Variants in APOBEC3H observed in about 807,000 individuals in gnomAD.
The protein encoded by APOBEC3H is apolipoprotein B mRNA editing enzyme catalytic subunit 3H, also known as DNA dC->dU-editing enzyme APOBEC-3H.
A neutral mutation model predicts 21.2 loss-of-function variants in APOBEC3H; 8 were observed. The observed-to-expected ratio is 0.38, with a 90% CI of 0.22 to 0.68. The LOEUF is 0.68. Ranked by LOEUF, APOBEC3H falls within the 30% of genes least tolerant of loss-of-function variation. The pLI is 0.52. For missense variants in APOBEC3H, 229 were observed against 228.1 expected (o/e 1.00, Z -0.03); for synonymous variants, 88 against 91.0 (o/e 0.97, Z 0.19).
intron 2 of APOBEC3H, among the ~76,000 whole-genome samples, chr22:39,100,700 TTCTCCCGA>T (rs1827825715): frequency 6.6e-6 from 1 of 152,056 alleles, no homozygotes; most frequent in South Asian, 2.1e-4. Flanking sequence ...CATTTACTCA[TTCTCCCGA>T]TCTCAGCTCA....
At chr22:39,099,788 C>G (rs1200520217) in intron 1 of APOBEC3H, among the ~76,000 whole-genome samples, 2 of 152,102 alleles carry the variant, frequency 1.3e-5, no homozygotes, top group Non-Finnish European at 2.9e-5. Flanking sequence ...TCCTGCCAGC[C>G]CTTCCTTCCC....
chr22:39,103,875 C>A lies in APOBEC3H; in HGVS notation c.*178C>A. Reference sequence around the variant, plus strand: ...GCCAGTTCCTTGCCCCAACCTGGCCCCATCCAAGTACAGAAGACCTTCCTT... The same window carrying A: ...GCCAGTTCCTTGCCCCAACCTGGCCACATCCAAGTACAGAAGACCTTCCTT... On this transcript the variant is annotated 3_prime_UTR_variant, in exon 5 of 5. Transcript: ENST00000442487. 1.3e-6 allele frequency: 1 copy of A among 755,018 alleles called. No homozygotes were observed. Among genetic ancestry groups the A allele is most frequent in the East Asian group, 2.5e-5 (1 of 40,610 alleles). 46.8% of individuals were successfully genotyped at this position (755,018 alleles called of 1,614,324 possible).
At position 39,102,051 on chromosome 22, in the gene APOBEC3H, C is replaced by T. The variant is rs778016471; in HGVS notation, c.543+9C>T. 12 of 1,612,256 alleles carry T rather than the reference C, an allele frequency of 7.4e-6. No homozygotes were observed. The highest frequency in any genetic ancestry group is 1.1e-5 in the South Asian group (1 of 90,970). On this transcript the variant is annotated intron_variant, in intron 4 of 4. Transcript: ENST00000442487. ...GGCTTGAGAGGATAAAGGTGAGGCA[C>T]TGTCCTGCCTGCTGCCCCCGACCTC... is the stretch of plus-strand genomic sequence containing the variant.
rs6519169 is a variant in APOBEC3H at position 39,099,604 on chromosome 22, G to T, written c.-7-668G>T. ...CTCTGAGCCCAGGGGAGCCAGAAAG[G>T]CACACCCACAGTTCTCAGGCAGGGG... On this transcript the variant is annotated intron_variant, in intron 1 of 4. Coordinates refer to ENST00000442487, the MANE Select transcript of APOBEC3H (RefSeq NM_181773.5). 8.6e-3 allele frequency among the ~76,000 whole-genome samples: 1,310 copies of T among 152,302 alleles called. 10 individuals are homozygous for T. The highest frequency in any genetic ancestry group is 0.03 in the African/African-American group (1,259 of 41,564).
chr22:39,100,401 GC>G lies in APOBEC3H; in HGVS notation c.126del (p.Thr43ArgfsTer60), dbSNP rs1569093237. 3.7e-6 allele frequency: 6 copies of G among 1,613,856 alleles called. No homozygotes were observed. Among genetic ancestry groups the G allele is most frequent in the Non-Finnish European group, 4.2e-6 (5 of 1,179,984 alleles). On this transcript the variant is annotated frameshift_variant, in exon 2 of 5. Transcript: ENST00000442487. LOFTEE classifies it high-confidence loss of function. ...AGCTGACGCCGCAGAATGGCTCCAC[GC>G]CCACGAGAGGCTACTTTGAAAACAA... ...YQLTPQNGST[P>X]TRGYFENKKK...
intron 3 of APOBEC3H, 50 bp from the exon 4 acceptor site, chr22:39,101,868 A>C (rs757137281): frequency 1.2e-6 from 2 of 1,613,372 alleles, no homozygotes; most frequent in East Asian, 4.5e-5. Context: ...AGCTCCTGGC[A>C]CTGCAGCTGC....
intron 2 of APOBEC3H, 101 bp from the exon 3 acceptor site, chr22:39,101,136 G>GACCC: frequency 2.6e-6 from 1 of 378,520 alleles, no homozygotes; most frequent in Non-Finnish European, 5.0e-6. Context: ...AGACCCCTCT[G>GACCC]CCCCCCCATC....
chr22:39,101,770 C>G (rs1389994031), intron 3 of APOBEC3H, 148 bp from the exon 4 acceptor site: 1 of 1,301,252 alleles, frequency 7.7e-7, no homozygotes, highest in African/African-American at 1.5e-5. Context: ...CAGTCAAGGC[C>G]CAAGATCTGA....
rs765484314 is a variant in APOBEC3H, at chr22:39,103,740, G to A, written c.*43G>A. 1.2e-6 allele frequency: 2 copies of A among 1,611,202 alleles called. No individual in the cohort carries two copies. The highest frequency in any genetic ancestry group is 3.3e-5 in the Admixed American group (2 of 60,006). ...GAATGACTTAAGAAGTTTGCAGCTT[G>A]GACCCGTATCCCACTCATTATCAAG... On this transcript the variant is annotated 3_prime_UTR_variant, in exon 5 of 5. Coordinates refer to ENST00000442487, the MANE Select transcript of APOBEC3H (RefSeq NM_181773.5).
intron 1 of APOBEC3H, among the ~76,000 whole-genome samples, 185 bp from the exon 2 acceptor site, chr22:39,100,087 C>T (rs374487970): frequency 6.6e-6 from 1 of 152,106 alleles, no homozygotes; most frequent in Non-Finnish European, 1.5e-5. Flanking sequence ...GCAGGAGAAT[C>T]GCTTGAACTT....
At chr22:39,103,012 C>CATGAG (rs1226106807) in intron 4 of APOBEC3H, among the ~76,000 whole-genome samples, 1 of 145,972 alleles carries the variant, frequency 6.9e-6, no homozygotes, top group South Asian at 2.2e-4. Context: ...ATGTGCTGAG[C>CATGAG]ATGAGGACTC....
Position 39,104,041 on chromosome 22 carries a change from G to A in APOBEC3H, c.*344G>A, listed in dbSNP as rs192183010. 888 of 355,736 alleles carry A rather than the reference G, an allele frequency of 2.5e-3. 8 individuals are homozygous for A. Among genetic ancestry groups the A allele is most frequent in the South Asian group, 5.2e-3 (125 of 24,124 alleles). 22.0% of individuals were successfully genotyped at this position (355,736 alleles called of 1,614,324 possible). ...AGCACTTTGGGAGGCTGAGATGCTC[G>A]GCCAATAAATTTCTATTGTTTATGA... On this transcript the variant is annotated 3_prime_UTR_variant, in exon 5 of 5. Transcript: ENST00000442487.
At chr22:39,102,553 G>A (rs938865803) in intron 4 of APOBEC3H, 6 of 718,176 alleles carry the variant, frequency 8.4e-6, no homozygotes, top group African/African-American at 7.0e-5. Context: ...TGGATATATT[G>A]TGTGATGCTG....
At position 39,100,421 on chromosome 22, in the gene APOBEC3H, A is replaced by G. The variant is rs759184375; in HGVS notation, c.143A>G (p.Glu48Gly). The change falls in exon 2 of 5, where the codon GAA becomes GGA. Residue 48 changes from glutamate (E) to glycine (G), a missense_variant. Transcript: ENST00000442487. ...NGSTPTRGYF[E>G]NKKKCHAEIC... Reference sequence around the variant, plus strand: ...TCCACGCCCACGAGAGGCTACTTTGAAAACAAGGTGCCACACGGGCTCTCT... The same window carrying G: ...TCCACGCCCACGAGAGGCTACTTTGGAAACAAGGTGCCACACGGGCTCTCT... 35 of 1,613,306 alleles carry G rather than the reference A, an allele frequency of 2.2e-5. No homozygotes were observed. In the African/African-American group the frequency reaches 3.7e-4, roughly 17 times the overall value.
At position 39,103,719 on chromosome 22, in the gene APOBEC3H, G is replaced by T. The variant is rs764176710; in HGVS notation, c.*22G>T. ...CTGAAGTGTGGATGTTTTAGAGAAT[G>T]ACTTAAGAAGTTTGCAGCTTGGACC... On this transcript the variant is annotated 3_prime_UTR_variant, in exon 5 of 5. Coordinates refer to ENST00000442487, the MANE Select transcript of APOBEC3H (RefSeq NM_181773.5). 5 of 1,613,976 alleles carry T rather than the reference G, an allele frequency of 3.1e-6. No individual in the cohort carries two copies. In the South Asian group the frequency reaches 5.5e-5, roughly 18 times the overall value.
intron 1 of APOBEC3H, 63 bp from the exon 2 acceptor site, chr22:39,100,209 G>C (rs958021312): frequency 1.3e-6 from 2 of 1,551,706 alleles, no homozygotes; most frequent in Non-Finnish European, 1.8e-6. Context: ...AAAGTGGCTT[G>C]AGCCTGGGGT....
Position 39,102,638 on chromosome 22 carries a change from T to C in APOBEC3H, c.543+596T>C, listed in dbSNP as rs549215480. ...TTCAACCCTGGCCCCCCTCCCACCC[T>C]CTCTTCTTTTGGAGTCTCCAGCGTC... On this transcript the variant is annotated intron_variant, in intron 4 of 4. Transcript: ENST00000442487. The C allele has an allele frequency of 6.0e-5, 42 of 704,314 alleles. No homozygotes were observed. The East Asian group carries it at 1.1e-3, about 19-fold the overall frequency. The allele number at this position is 704,314 out of a possible 1,614,324, so 43.6% of individuals were successfully genotyped here.
intron 1 of APOBEC3H, among the ~76,000 whole-genome samples, chr22:39,097,834 T>C (rs1929089765): frequency 6.6e-6 from 1 of 152,176 alleles, no homozygotes; most frequent in South Asian, 2.1e-4. Context: ...CTTCCAAGGA[T>C]GTCTCCACTG....
At position 39,103,963 on chromosome 22, in the gene APOBEC3H, A is replaced by C; in HGVS notation, c.*266A>C. 1 of 548,768 alleles carries C rather than the reference A, an allele frequency of 1.8e-6. No individual in the cohort carries two copies. Among genetic ancestry groups the C allele is most frequent in the Non-Finnish European group, 3.2e-6 (1 of 308,606 alleles). The allele number at this position is 548,768 out of a possible 1,614,324, so 34.0% of individuals were successfully genotyped here. On this transcript the variant is annotated 3_prime_UTR_variant, in exon 5 of 5. Transcript: ENST00000442487. ...TGAATAATTTTATAATTGAAAAAAT[A>C]AAGATAAAGTCTGTAAATCCAGCCG...
Sources: allele counts gnomAD v4.1 joint callset (sites outside exome capture counted in the v4.1 genomes callset), GRCh38; gene constraint gnomAD v4.1.1; transcripts MANE v1.5; gene names NCBI Gene and HGNC (gene_info 2026-07-23, HGNC 2026-07-21).